The following EFNA5 variants were observed in gnomAD, a reference collection of about 807,000 sequenced individuals.
EFNA5 encodes ephrin-A5.
A neutral mutation model predicts 22.9 loss-of-function variants in EFNA5; 5 were observed. The ratio of observed to expected loss-of-function variants is 0.22; its 90% CI spans 0.11 to 0.46. The LOEUF is 0.46. EFNA5 is among the 20% of genes least tolerant of loss of function. The probability of loss-of-function intolerance (pLI) is 0.99; values close to 1 mark genes in which losing one functional copy is unlikely to be tolerated. For synonymous variants in EFNA5, 113 were observed against 112.2 expected (o/e 1.01, Z -0.04); for missense variants, 237 against 293.3 (o/e 0.81, Z 1.40).
At chr5:107,501,265 G>C (rs1447681353) in intron 1 of EFNA5, among the ~76,000 whole-genome samples, 2 of 152,086 alleles carry the variant, frequency 1.3e-5, no homozygotes, top group Non-Finnish European at 2.9e-5. Context: ...AAAATATTCT[G>C]TTTCTTACTT....
chr5:107,416,495 T>C (rs1748508745), intron 2 of EFNA5, among the ~76,000 whole-genome samples: 1 of 152,150 alleles, frequency 6.6e-6, no homozygotes, highest in African/African-American at 2.4e-5. Flanking sequence ...ATAATGATAG[T>C]ACCGGCCTCA....
intron 1 of EFNA5, among the ~76,000 whole-genome samples, chr5:107,614,575 A>T (rs1301409689): frequency 6.6e-6 from 1 of 152,174 alleles, no homozygotes; most frequent in Non-Finnish European, 1.5e-5. Flanking sequence ...TTTGAAGACA[A>T]CACACACATA....
chr5:107,570,673 T>TA (rs1460049517), intron 1 of EFNA5, among the ~76,000 whole-genome samples: 1 of 151,972 alleles, frequency 6.6e-6, no homozygotes, highest in Non-Finnish European at 1.5e-5. Flanking sequence ...GGGCAGGTAT[T>TA]AATGATTCTA....
chr5:107,426,886 T>C, intron 2 of EFNA5: 1 of 264,096 alleles, frequency 3.8e-6, no homozygotes, highest in Non-Finnish European at 7.3e-6. Flanking sequence ...GTAAATTTAA[T>C]TATTTCCTTT....
At chr5:107,606,016 C>T (rs1461112132) in intron 1 of EFNA5, among the ~76,000 whole-genome samples, 1 of 152,188 alleles carries the variant, frequency 6.6e-6, no homozygotes, top group Admixed American at 6.5e-5. Context: ...AAAACAGAGA[C>T]GAGCAGTGGA....
intron 1 of EFNA5, among the ~76,000 whole-genome samples, chr5:107,503,534 A>G (rs1408422587): frequency 6.6e-6 from 1 of 152,232 alleles, no homozygotes; most frequent in Non-Finnish European, 1.5e-5. Context: ...AAATTGCCTG[A>G]AAAAGTCAGC....
chr5:107,574,381 A>G (rs938008223), intron 1 of EFNA5, among the ~76,000 whole-genome samples: 3 of 152,152 alleles, frequency 2.0e-5, no homozygotes, highest in Admixed American at 1.3e-4. Flanking sequence ...AAATCATTCA[A>G]TAAGCTCTGA....
chr5:107,566,278 G>C (rs1432568326), intron 1 of EFNA5, among the ~76,000 whole-genome samples: 1 of 152,114 alleles, frequency 6.6e-6, no homozygotes. Context: ...AGCTTTCACA[G>C]TCATGTTACT....
At chr5:107,535,102 T>C (rs189781769) in intron 1 of EFNA5, among the ~76,000 whole-genome samples, 27 of 152,302 alleles carry the variant, frequency 1.8e-4, no homozygotes, top group Admixed American at 1.6e-3. Context: ...ACCTGGGGTA[T>C]AAATAGAGTA....
chr5:107,549,067 T>C (rs978583181), intron 1 of EFNA5, among the ~76,000 whole-genome samples: 1 of 152,222 alleles, frequency 6.6e-6, no homozygotes, highest in African/African-American at 2.4e-5. Context: ...ATATTTCTTT[T>C]CTATGCAATC....
intron 1 of EFNA5, among the ~76,000 whole-genome samples, chr5:107,629,947 C>G (rs1401923891): frequency 6.6e-6 from 1 of 151,606 alleles, no homozygotes; most frequent in African/African-American, 2.4e-5. Flanking sequence ...TCCCCGCTAC[C>G]AGGGAGGCTG....
chr5:107,478,585 T>G (rs1750372291), intron 1 of EFNA5, among the ~76,000 whole-genome samples: 1 of 152,122 alleles, frequency 6.6e-6, no homozygotes, highest in Non-Finnish European at 1.5e-5. Context: ...GTCATAAAAG[T>G]CAGACAGGAA....
chr5:107,575,869 G>A (rs2112490681), intron 1 of EFNA5, among the ~76,000 whole-genome samples: 1 of 152,228 alleles, frequency 6.6e-6, no homozygotes, highest in African/African-American at 2.4e-5. Flanking sequence ...GAGAACATCA[G>A]CATTTGCCAA....
intron 1 of EFNA5, among the ~76,000 whole-genome samples, chr5:107,545,609 T>C (rs1454326282): frequency 6.6e-6 from 1 of 152,178 alleles, no homozygotes; most frequent in Non-Finnish European, 1.5e-5. Flanking sequence ...GTTAATTACT[T>C]AAGCCAAGGT....
chr5:107,428,988 G>T (rs1179583297), intron 1 of EFNA5, among the ~76,000 whole-genome samples: 1 of 152,058 alleles, frequency 6.6e-6, no homozygotes, highest in East Asian at 1.9e-4. Context: ...GATTCCCTTG[G>T]TTCTTTCTAG....
chr5:107,568,747 G>C (rs1032756380), intron 1 of EFNA5, among the ~76,000 whole-genome samples: 1 of 152,176 alleles, frequency 6.6e-6, no homozygotes, highest in African/African-American at 2.4e-5. Flanking sequence ...TTTGAGCCTT[G>C]TGATGAAATC....
chr5:107,458,945 C>G (rs1377762776), intron 1 of EFNA5, among the ~76,000 whole-genome samples: 1 of 152,090 alleles, frequency 6.6e-6, no homozygotes, highest in East Asian at 1.9e-4. Flanking sequence ...TGTTGATTCT[C>G]TATAAAGGAT....
intron 4 of EFNA5, among the ~76,000 whole-genome samples, chr5:107,386,889 TTA>T (rs1481301496): frequency 6.6e-6 from 1 of 152,174 alleles, no homozygotes; most frequent in Non-Finnish European, 1.5e-5. Context: ...GTTTTGTGTC[TTA>T]CATGAAAACA....
intron 1 of EFNA5, among the ~76,000 whole-genome samples, chr5:107,569,559 T>TTTTATATATA (rs1313796140): frequency 1.2e-4 from 5 of 42,530 alleles, no homozygotes; most frequent in Non-Finnish European, 2.2e-4. Context: ...ATATATATAT[T>TTTTATATATA]TATATATATA....
Sources: allele counts gnomAD v4.1 joint callset (sites outside exome capture counted in the v4.1 genomes callset), GRCh38; gene constraint gnomAD v4.1.1; transcripts MANE v1.5; gene names NCBI Gene and HGNC (gene_info 2026-07-23, HGNC 2026-07-21).